PCDHGB2: variants seen among roughly 807,000 people sequenced by gnomAD.
The protein encoded by PCDHGB2 is protocadherin gamma-B2.
In PCDHGB2, 55 loss-of-function variants were observed where a neutral mutation model predicts 59.3. That is an observed-to-expected ratio of 0.93 (90% CI 0.75 to 1.16). The LOEUF (loss-of-function observed/expected upper bound fraction) is 1.16, where lower values mean the gene tolerates loss of function less well. Among genes scored for constraint, PCDHGB2 ranks in the 50% most tolerant of loss-of-function variants. PCDHGB2 has a pLI of 0.00. For synonymous variants in PCDHGB2, 516 were observed against 512.0 expected (o/e 1.01, Z -0.11); for missense variants, 1,228 against 1,198.5 (o/e 1.02, Z -0.36).
At position 141,491,346 on chromosome 5, in the gene PCDHGB2, T is replaced by A. The variant is rs760843553; in HGVS notation, c.2422-3461T>A. ...TCATTGTGGCTCTAGCGACCGTCAG[T>A]CTCTTATCCCTAGTCACCTTCACCT... On this transcript the variant is annotated intron_variant, in intron 1 of 3. Coordinates refer to ENST00000522605, the MANE Select transcript of PCDHGB2 (RefSeq NM_018923.3). This position sits in a 1 kb window ranked among gnomAD's most constrained non-coding sequence, Gnocchi z 6.9. The A allele has an allele frequency of 6.2e-7, 1 of 1,614,088 alleles. No individual in the cohort carries two copies. The highest frequency in any genetic ancestry group is 1.1e-5 in the South Asian group (1 of 91,080).
In PCDHGB2 at chr5:141,415,024, G is replaced by A. The variant is rs1272655664; in HGVS notation, c.2421+52468G>A. On this transcript the variant is annotated intron_variant, in intron 1 of 3. Coordinates refer to ENST00000522605, the MANE Select transcript of PCDHGB2 (RefSeq NM_018923.3). ...GTCCTACCGTCTGCTCAAGGCCAGC[G>A]AGCCGGGACTCTTCGCGGTGGGGGA... 4.3e-6 allele frequency: 7 copies of A among 1,613,450 alleles called. 1 individual carries two copies. The highest frequency in any genetic ancestry group is 3.3e-5 in the Admixed American group (2 of 60,002).
chr5:141,389,320 TG>T (rs764190187), intron 1 of PCDHGB2: 2 of 1,613,848 alleles, frequency 1.2e-6, no homozygotes, highest in Non-Finnish European at 1.7e-6. Flanking sequence ...GATCCGGACT[TG>T]GGGCCCAACG....
chr5:141,360,143 C>A lies in PCDHGB2; in HGVS notation c.8C>A (p.Ala3Glu). Residue 3 changes from alanine to glutamate, a missense_variant, in exon 1 of 4, where the codon GCG becomes GAG. Physicochemically the swap from Ala to Glu is moderately radical, Grantham distance 107. Coordinates refer to ENST00000522605, the MANE Select transcript of PCDHGB2 (RefSeq NM_018923.3). Reference sequence around the variant, plus strand: ...AGCAAAGGGAGCCAGAAGATGAAAGCGAGCTCAGGGAGGTGCGGGCTGGTG... The same window carrying A: ...AGCAAAGGGAGCCAGAAGATGAAAGAGAGCTCAGGGAGGTGCGGGCTGGTG... MKASSGRCGLVRW... is the reference protein window; with the variant it reads MKESSGRCGLVRW... The A allele has an allele frequency of 1.3e-6, 2 of 1,594,882 alleles. No individual in the cohort carries two copies. The highest frequency in any genetic ancestry group is 8.6e-7 in the Non-Finnish European group (1 of 1,168,950).
chr5:141,387,303 A>C (rs563124332), intron 1 of PCDHGB2, among the ~76,000 whole-genome samples: 1 of 152,334 alleles, frequency 6.6e-6, no homozygotes, highest in East Asian at 1.9e-4. Context: ...TATCCAGTAT[A>C]TTTCTAATGA....
chr5:141,365,058 C>A lies in PCDHGB2; in HGVS notation c.2421+2502C>A, dbSNP rs769039827. On this transcript the variant is annotated intron_variant, in intron 1 of 3. Coordinates refer to ENST00000522605, the MANE Select transcript of PCDHGB2 (RefSeq NM_018923.3). Reference sequence around the variant, plus strand: ...GCAAACGACAATGCGCCCCTGTTCACCCCATCCGAGTACAGCGTGAGTGTT... The same window carrying A: ...GCAAACGACAATGCGCCCCTGTTCAACCCATCCGAGTACAGCGTGAGTGTT... The A allele has an allele frequency of 1.1e-5, 17 of 1,613,776 alleles. No homozygotes were observed. Among genetic ancestry groups the A allele is most frequent in the Non-Finnish European group, 1.4e-5 (17 of 1,179,912 alleles).
chr5:141,418,677 T>A (rs1717013168), intron 1 of PCDHGB2: 1 of 1,613,930 alleles, frequency 6.2e-7, no homozygotes, highest in African/African-American at 1.3e-5. Flanking sequence ...GACGAGGGCA[T>A]CAACTCAGAG....
intron 1 of PCDHGB2, among the ~76,000 whole-genome samples, chr5:141,425,189 T>C (rs1042702500): frequency 2.6e-5 from 4 of 152,116 alleles, no homozygotes; most frequent in African/African-American, 7.2e-5. Flanking sequence ...AATTCCAAAC[T>C]GAGAAAAATG....
chr5:141,444,194 G>A (rs1209269773), intron 1 of PCDHGB2, among the ~76,000 whole-genome samples: 1 of 67,352 alleles, frequency 1.5e-5, no homozygotes, highest in Non-Finnish European at 2.7e-5. Flanking sequence ...TTTTTGAGAT[G>A]GAGTTTCACT....
intron 1 of PCDHGB2, chr5:141,376,100 G>C (rs772318189): frequency 8.7e-6 from 14 of 1,613,632 alleles, no homozygotes; most frequent in Non-Finnish European, 1.2e-5. Context: ...CGACATCCTG[G>C]CCGACCTGGG....
In PCDHGB2 at chr5:141,432,076, G is replaced by A. The variant is rs1442341840; in HGVS notation, c.2422-62731G>A. The A allele has an allele frequency of 1.2e-6, 2 of 1,614,160 alleles. No homozygotes were observed. Among genetic ancestry groups the A allele is most frequent in the East Asian group, 2.2e-5 (1 of 44,872 alleles). On this transcript the variant is annotated intron_variant, in intron 1 of 3. Coordinates refer to ENST00000522605, the MANE Select transcript of PCDHGB2 (RefSeq NM_018923.3). This position sits in a 1 kb window ranked among gnomAD's most constrained non-coding sequence, Gnocchi z 6.0. ...CCCTATCCACGGAAACTCATATCTCGCTGAACGTGGCAGACACCAACGACA... is the reference window on the plus strand; with the variant it reads ...CCCTATCCACGGAAACTCATATCTCACTGAACGTGGCAGACACCAACGACA...
At chr5:141,380,746 A>G (rs1321659123) in intron 1 of PCDHGB2, among the ~76,000 whole-genome samples, 1 of 152,254 alleles carries the variant, frequency 6.6e-6, no homozygotes, top group African/African-American at 2.4e-5. Context: ...CAAAGAAGGT[A>G]CCAAGACACT....
chr5:141,408,833 A>G, intron 1 of PCDHGB2: 1 of 1,613,704 alleles, frequency 6.2e-7, no homozygotes, highest in Non-Finnish European at 8.5e-7. Context: ...TCATAGCTTG[A>G]TATTGACTGC....
At position 141,404,694 on chromosome 5, in the gene PCDHGB2, C is replaced by T. The variant is rs749803871; in HGVS notation, c.2421+42138C>T. 10 of 1,614,116 alleles carry T rather than the reference C, an allele frequency of 6.2e-6. No homozygotes were observed. The East Asian group carries it at 2.0e-4, about 32-fold the overall frequency. ...ACTGGTGTGGAGCTGGCACCCCGCT[C>T]TGCAGAGCCTGGCTACCTGGTGACC... On this transcript the variant is annotated intron_variant, in intron 1 of 3. Coordinates refer to ENST00000522605, the MANE Select transcript of PCDHGB2 (RefSeq NM_018923.3).
chr5:141,367,022 A>G (rs1764910545), intron 1 of PCDHGB2: 1 of 407,704 alleles, frequency 2.5e-6, no homozygotes, highest in African/African-American at 2.1e-5. Flanking sequence ...ATTTTGTTAT[A>G]TTGGAACTGC....
At position 141,511,112 on chromosome 5, in the gene PCDHGB2, G is replaced by A. The variant is rs767257788; in HGVS notation, c.2735G>A (p.Gly912Asp). The change falls in exon 4 of 4, where the codon GGC (glycine) becomes GAC (aspartate). Residue 912 changes from glycine (G) to aspartate (D), a missense_variant. Transcript: ENST00000522605. ...ACCAACGCAGCTGGCAAGCGGGATGGCAAGGCCCCAGCAGGTGGCAATGGC... is the reference window on the plus strand; with the variant it reads ...ACCAACGCAGCTGGCAAGCGGGATGACAAGGCCCCAGCAGGTGGCAATGGC... The part of the protein sequence containing the change: ...TLTNAAGKRD[G>D]KAPAGGNGNK... 1 of 1,614,232 alleles carries A rather than the reference G, an allele frequency of 6.2e-7. No individual in the cohort carries two copies.
At chr5:141,375,373 A>G (rs540129406) in intron 1 of PCDHGB2, 113 of 1,613,776 alleles carry the variant, frequency 7.0e-5, no homozygotes, top group Non-Finnish European at 3.2e-5. Flanking sequence ...AAGGAACACC[A>G]CCTCTGTCTA....
Position 141,491,652 on chromosome 5 carries a change from G to T in PCDHGB2, c.2422-3155G>T. ...AGCAGCCCACAGCTCTGGCGCTGGA[G>T]CCTGACGCCATCCGGTCCCGCTCTA... On this transcript the variant is annotated intron_variant, in intron 1 of 3. Transcript: ENST00000522605. The surrounding 1 kb of genome is among the most constrained non-coding windows in gnomAD (Gnocchi z 6.9). The T allele has an allele frequency of 6.2e-7, 1 of 1,613,844 alleles. No homozygotes were observed.
chr5:141,459,289 A>G (rs2098965378), intron 1 of PCDHGB2, among the ~76,000 whole-genome samples: 1 of 152,216 alleles, frequency 6.6e-6, no homozygotes, highest in Non-Finnish European at 1.5e-5. Flanking sequence ...ATCTAAATGG[A>G]ATCCTATAAC....
intron 1 of PCDHGB2, chr5:141,399,294 G>T (rs781668632): frequency 6.2e-7 from 1 of 1,613,914 alleles, no homozygotes; most frequent in South Asian, 1.1e-5. Flanking sequence ...TCCCTTTTAA[G>T]ATTATCTCTT....
Sources: gnomAD v4.1 joint callset for allele counts (sites outside exome capture counted in the v4.1 genomes callset) on GRCh38, gnomAD v4.1.1 for gene constraint, Gnocchi (gnomAD v3.1) non-coding constraint, MANE v1.5 for transcripts, NCBI Gene and HGNC (gene_info 2026-07-23, HGNC 2026-07-21) for gene names.